Variants in FARP1 observed in about 807,000 individuals in gnomAD.
FARP1 encodes FERM, ARH/RhoGEF and pleckstrin domain protein 1.
A neutral mutation model predicts 128.8 loss-of-function variants in FARP1; 52 were observed. That is an observed-to-expected ratio of 0.40 (90% CI 0.32 to 0.51). The LOEUF (loss-of-function observed/expected upper bound fraction) is 0.51. FARP1 is among the 20% of genes least tolerant of loss of function. The pLI, the probability that FARP1 is intolerant of heterozygous loss-of-function variation, is 0.45. For missense variants in FARP1, 1,333 were observed against 1,367.9 expected (o/e 0.97, Z 0.40); for synonymous variants, 580 against 551.8 (o/e 1.05, Z -0.72).
In FARP1 at chr13:98,453,205, A is replaced by T; in HGVS notation, c.*4888A>T. The T allele has an allele frequency of 6.2e-7, 1 of 1,613,398 alleles. No individual in the cohort carries two copies. Among genetic ancestry groups the T allele is most frequent in the Non-Finnish European group, 8.5e-7 (1 of 1,179,762 alleles). On this transcript the variant is annotated 3_prime_UTR_variant, in exon 27 of 27. Coordinates refer to ENST00000319562, the MANE Select transcript of FARP1 (RefSeq NM_005766.4). ...GATGAAGTTCCTCCACCACTTAGAGAGTATCTAGGGAAAAAGAGAGAGAGA... is the reference window on the plus strand; with the variant it reads ...GATGAAGTTCCTCCACCACTTAGAGTGTATCTAGGGAAAAAGAGAGAGAGA...
intron 1 of FARP1, among the ~76,000 whole-genome samples, chr13:98,186,714 G>A (rs1439092367): frequency 2.6e-5 from 4 of 151,850 alleles, no homozygotes; most frequent in South Asian, 2.1e-4. Flanking sequence ...GATATGGGCC[G>A]GGCGTGGTGG....
At chr13:98,192,997 CCATGCTGCCAGCCCTTGT>C (rs1426794005) in intron 1 of FARP1, among the ~76,000 whole-genome samples, 1 of 152,116 alleles carries the variant, frequency 6.6e-6, no homozygotes, top group Non-Finnish European at 1.5e-5. Context: ...AAGTAAGATG[CCATGCTGCCAGCCCTTGT>C]CTTCCAATAA....
At chr13:98,229,552 G>C (rs1278771250) in intron 2 of FARP1, among the ~76,000 whole-genome samples, 1 of 151,446 alleles carries the variant, frequency 6.6e-6, no homozygotes, top group East Asian at 1.9e-4. Flanking sequence ...GCTAGAGCAA[G>C]TGCAGTGGTG....
At chr13:98,319,036 C>T (rs537194044) in intron 2 of FARP1, among the ~76,000 whole-genome samples, 152 of 145,838 alleles carry the variant, frequency 1.0e-3, no homozygotes, top group African/African-American at 3.6e-3. Flanking sequence ...GATCTCAGCT[C>T]ACTGCAGCCT....
intron 2 of FARP1, among the ~76,000 whole-genome samples, chr13:98,219,631 C>A (rs1331111432): frequency 6.6e-6 from 1 of 152,044 alleles, no homozygotes; most frequent in Admixed American, 6.6e-5. Flanking sequence ...CTGCACCCAG[C>A]CACATATTTT....
intron 17 of FARP1, among the ~76,000 whole-genome samples, chr13:98,429,979 C>G (rs1891948356): frequency 6.6e-6 from 1 of 152,242 alleles, no homozygotes; most frequent in South Asian, 2.1e-4. Context: ...TGCCTCATGC[C>G]TGTATTCCCA....
At chr13:98,365,054 C>T (rs1941165914) in intron 3 of FARP1, among the ~76,000 whole-genome samples, 1 of 152,208 alleles carries the variant, frequency 6.6e-6, no homozygotes, top group African/African-American at 2.4e-5. Flanking sequence ...GTACGTATTT[C>T]ACTCGGCTGA....
chr13:98,442,095 T>C (rs1892547539), intron 24 of FARP1, among the ~76,000 whole-genome samples: 1 of 152,236 alleles, frequency 6.6e-6, no homozygotes, highest in African/African-American at 2.4e-5. Flanking sequence ...GTGTTTTATG[T>C]GAATGCTCAC....
chr13:98,176,768 G>A lies in FARP1; in HGVS notation c.-24+33276G>A. ...CCCATGGACGTGTCCTTGGGCTTCA[G>A]GTACCTCAGGTAGCTGTGGATTCCC... On this transcript the variant is annotated intron_variant, in intron 1 of 26. Transcript: ENST00000319562. This position sits in a 1 kb window ranked among gnomAD's most constrained non-coding sequence, Gnocchi z 6.2. 1 of 1,613,982 alleles carries A rather than the reference G, an allele frequency of 6.2e-7. No homozygotes were observed. The highest frequency in any genetic ancestry group is 8.5e-7 in the Non-Finnish European group (1 of 1,180,016).
chr13:98,255,358 G>T (rs1566799054), intron 2 of FARP1, among the ~76,000 whole-genome samples: 1 of 152,082 alleles, frequency 6.6e-6, no homozygotes, highest in African/African-American at 2.4e-5. Context: ...AAAAATAGCC[G>T]GGCATGGTGG....
chr13:98,348,949 C>A (rs1194375480), intron 3 of FARP1, among the ~76,000 whole-genome samples: 1 of 151,842 alleles, frequency 6.6e-6, no homozygotes, highest in Admixed American at 6.6e-5. Flanking sequence ...AACCAGGATC[C>A]ACACAGAGCC....
At chr13:98,219,083 G>T (rs1881268172) in intron 2 of FARP1, among the ~76,000 whole-genome samples, 1 of 152,036 alleles carries the variant, frequency 6.6e-6, no homozygotes, top group African/African-American at 2.4e-5. Flanking sequence ...AATTTTCACT[G>T]AAACCTAGGT....
chr13:98,389,420 A>C (rs898676250), intron 9 of FARP1: 7 of 153,070 alleles, frequency 4.6e-5, no homozygotes, highest in African/African-American at 1.7e-4. Context: ...ATCAAAGGGC[A>C]TGATTTTTTT....
chr13:98,157,115 A>C (rs1418638167), intron 1 of FARP1, among the ~76,000 whole-genome samples: 1 of 152,230 alleles, frequency 6.6e-6, no homozygotes, highest in Non-Finnish European at 1.5e-5. Flanking sequence ...GAAAATGCTC[A>C]CTTGTAAAAG....
chr13:98,303,252 T>C (rs1467153601), intron 2 of FARP1, among the ~76,000 whole-genome samples: 2 of 152,188 alleles, frequency 1.3e-5, no homozygotes, highest in Admixed American at 6.5e-5. Flanking sequence ...AGAAATTGAC[T>C]GCAGACTGGC....
intron 2 of FARP1, among the ~76,000 whole-genome samples, chr13:98,303,752 T>C (rs190633589): frequency 2.0e-5 from 3 of 152,182 alleles, no homozygotes; most frequent in African/African-American, 4.8e-5. Flanking sequence ...GTAAAATCGA[T>C]ATGTGTAACA....
At chr13:98,379,059 AATAT>A (rs552352929) in intron 6 of FARP1, among the ~76,000 whole-genome samples, 2 of 70,216 alleles carry the variant, frequency 2.8e-5, no homozygotes, top group East Asian at 7.2e-4. Flanking sequence ...ATCTATATAT[AATAT>A]ATAATATATG....
chr13:98,408,864 T>C (rs749448489), intron 13 of FARP1, among the ~76,000 whole-genome samples: 2 of 152,232 alleles, frequency 1.3e-5, no homozygotes, highest in Non-Finnish European at 2.9e-5. Flanking sequence ...GTTAGTTGCT[T>C]GACCTTTCTG....
rs772736301 is a variant in FARP1, at chr13:98,412,079, G to T, written c.1826+45G>T. 12 of 1,595,126 alleles carry T rather than the reference G, an allele frequency of 7.5e-6. No individual in the cohort carries two copies. In the South Asian group the frequency reaches 1.1e-4, roughly 15 times the overall value. On this transcript the variant is annotated intron_variant, in intron 16 of 26. Transcript: ENST00000319562. ...CCAGCTACGTTCCTCCCTCCGTCTT[G>T]CTTGTGTTATTTTTATGTCGTCCCT...
Sources: allele counts gnomAD v4.1 joint callset (sites outside exome capture counted in the v4.1 genomes callset), GRCh38; gene constraint gnomAD v4.1.1; non-coding constraint Gnocchi (gnomAD v3.1); transcripts MANE v1.5; gene names NCBI Gene and HGNC (gene_info 2026-07-23, HGNC 2026-07-21).